HIVEP3: variants seen among roughly 807,000 people sequenced by gnomAD.
The protein encoded by HIVEP3 is HIVEP zinc finger 3.
A neutral mutation model predicts 152.8 loss-of-function variants in HIVEP3; 49 were observed. The observed-to-expected ratio is 0.32, with a 90% CI of 0.26 to 0.41. The LOEUF (loss-of-function observed/expected upper bound fraction) is 0.41, where lower values mean the gene tolerates loss of function less well. Among genes scored for constraint, HIVEP3 ranks in the 10% least tolerant of loss-of-function variants. The pLI is 1.00. For synonymous variants in HIVEP3, 1,269 were observed against 1,289.0 expected, an observed-to-expected ratio of 0.98 and a Z score of 0.33; for missense variants, 2,790 against 3,103.3, an observed-to-expected ratio of 0.90 and a Z score of 2.40.
At chr1:41,736,955 G>A (rs187042433) in intron 1 of HIVEP3, among the ~76,000 whole-genome samples, 1 of 152,112 alleles carries the variant, frequency 6.6e-6, no homozygotes, top group Admixed American at 6.5e-5. Flanking sequence ...GACTCTTCAG[G>A]CTCCAGCCAC....
At chr1:41,572,254 C>G (rs184991208) in intron 5 of HIVEP3, among the ~76,000 whole-genome samples, 16 of 152,282 alleles carry the variant, frequency 1.1e-4, no homozygotes, top group African/African-American at 3.6e-4. Flanking sequence ...GTAGCAATGT[C>G]GGCACAGAGA....
At chr1:41,726,403 C>T (rs1364033980) in intron 1 of HIVEP3, among the ~76,000 whole-genome samples, 1 of 152,160 alleles carries the variant, frequency 6.6e-6, no homozygotes, top group Non-Finnish European at 1.5e-5. Flanking sequence ...GGAAGTGAGG[C>T]CCTTTGAGAA....
chr1:41,544,303 C>A (rs1320275690), intron 5 of HIVEP3: 1 of 151,968 alleles, frequency 6.6e-6, no homozygotes, highest in Non-Finnish European at 1.5e-5. Flanking sequence ...TACTAGAAAC[C>A]AGTGAGGGGG....
chr1:42,024,245 CAT>C (rs1171979337), intron 1 of HIVEP3, among the ~76,000 whole-genome samples: 1 of 152,160 alleles, frequency 6.6e-6, no homozygotes, highest in African/African-American at 2.4e-5. Context: ...ACATTTCAAA[CAT>C]ATTTTCCTTG....
chr1:41,885,144 C>T (rs533247605), intron 1 of HIVEP3, among the ~76,000 whole-genome samples: 1 of 152,282 alleles, frequency 6.6e-6, no homozygotes, highest in Admixed American at 6.5e-5. Flanking sequence ...GGCACAATCT[C>T]CCTGAATCAT....
chr1:41,958,436 G>T (rs925651192), intron 1 of HIVEP3, among the ~76,000 whole-genome samples: 4 of 152,344 alleles, frequency 2.6e-5, no homozygotes, highest in Admixed American at 2.6e-4. Flanking sequence ...GGGCAGAGCT[G>T]TAAATCTTGA....
At chr1:41,586,024 G>T (rs575057298) in intron 3 of HIVEP3, among the ~76,000 whole-genome samples, 72 of 152,240 alleles carry the variant, frequency 4.7e-4, no homozygotes, top group Non-Finnish European at 8.1e-4. Flanking sequence ...CAGCCTGTGA[G>T]AACTTACAAT....
At chr1:41,721,160 A>G (rs1646667965) in intron 1 of HIVEP3, among the ~76,000 whole-genome samples, 1 of 152,172 alleles carries the variant, frequency 6.6e-6, no homozygotes, top group Non-Finnish European at 1.5e-5. Flanking sequence ...ATCTACTTAA[A>G]CATTGGTTGA....
chr1:41,657,958 G>T (rs1030248918), intron 2 of HIVEP3, among the ~76,000 whole-genome samples: 1 of 152,098 alleles, frequency 6.6e-6, no homozygotes, highest in African/African-American at 2.4e-5. Flanking sequence ...CTAGCACCAG[G>T]GCACTTCTCC....
intron 5 of HIVEP3, among the ~76,000 whole-genome samples, chr1:41,538,437 C>T (rs1387806162): frequency 1.3e-5 from 2 of 152,132 alleles, no homozygotes; most frequent in African/African-American, 2.4e-5. Context: ...GAGGCAAGCT[C>T]TTGTCATTTT....
chr1:41,851,414 T>G (rs1643597245), intron 1 of HIVEP3, among the ~76,000 whole-genome samples: 1 of 146,642 alleles, frequency 6.8e-6, no homozygotes. Flanking sequence ...GCAATTCTCC[T>G]GCCTCAGACT....
At chr1:41,824,618 T>C (rs1642703362) in intron 1 of HIVEP3, among the ~76,000 whole-genome samples, 1 of 151,754 alleles carries the variant, frequency 6.6e-6, no homozygotes, top group Non-Finnish European at 1.5e-5. Flanking sequence ...TATGTTTGTG[T>C]CTGATCTATA....
intron 1 of HIVEP3, among the ~76,000 whole-genome samples, chr1:41,900,905 T>C (rs1172213494): frequency 2.0e-5 from 3 of 152,070 alleles, no homozygotes; most frequent in African/African-American, 7.2e-5. Context: ...TTTTCAATTA[T>C]CTTTAGTTCA....
chr1:41,890,953 T>C (rs182976783), intron 1 of HIVEP3, among the ~76,000 whole-genome samples: 14 of 152,310 alleles, frequency 9.2e-5, no homozygotes, highest in African/African-American at 3.1e-4. Context: ...CCTGGGAGGC[T>C]GCCTCTCTAC....
intron 1 of HIVEP3, among the ~76,000 whole-genome samples, chr1:41,891,428 T>C (rs2124441390): frequency 6.6e-6 from 1 of 152,296 alleles, no homozygotes; most frequent in East Asian, 1.9e-4. Flanking sequence ...TTCCTGACAA[T>C]GAAGTGGTGG....
intron 1 of HIVEP3, among the ~76,000 whole-genome samples, chr1:41,734,996 C>T (rs1363064838): frequency 2.0e-5 from 3 of 152,184 alleles, no homozygotes. Flanking sequence ...TTCTTCAGTG[C>T]CAAGATAGTG....
At chr1:41,738,938 C>G (rs1646956986) in intron 1 of HIVEP3, among the ~76,000 whole-genome samples, 2 of 152,232 alleles carry the variant, frequency 1.3e-5, no homozygotes, top group Non-Finnish European at 2.9e-5. Flanking sequence ...GGTAATGAAC[C>G]ATGGCGCCAT....
chr1:41,822,539 A>T (rs1483879995), intron 1 of HIVEP3, among the ~76,000 whole-genome samples: 4 of 152,132 alleles, frequency 2.6e-5, no homozygotes, highest in Non-Finnish European at 5.9e-5. Context: ...TTTCACAGGG[A>T]TGAAGAAAGA....
rs1349621303 is a variant in HIVEP3 at position 41,583,149 on chromosome 1, A to G, written c.1649T>C (p.Ile550Thr). ...SHSMPSAACT[I>T]STPHHPFRGS... ...TCGGAAGGGGTGGTGGGGGGTGCTG[A>G]TAGTGCAGGCGGCAGAAGGCATTGA... Residue 550 changes from isoleucine (I) to threonine (T), a missense_variant, in exon 4 of 9, where the codon ATC becomes ACC. Physicochemically the swap from Ile to Thr is moderately conservative, Grantham distance 89 (BLOSUM62 -1). Coordinates refer to ENST00000372583, the MANE Select transcript of HIVEP3 (RefSeq NM_024503.5). The surrounding 1 kb of genome is among the most constrained non-coding windows in gnomAD (Gnocchi z 6.9). 1.2e-6 allele frequency: 2 copies of G among 1,612,456 alleles called. No homozygotes were observed. Among genetic ancestry groups the G allele is most frequent in the Non-Finnish European group, 1.7e-6 (2 of 1,179,742 alleles).
Sources: allele counts gnomAD v4.1 joint callset (sites outside exome capture counted in the v4.1 genomes callset), GRCh38; gene constraint gnomAD v4.1.1; non-coding constraint Gnocchi (gnomAD v3.1); transcripts MANE v1.5; gene names NCBI Gene and HGNC (gene_info 2026-07-23, HGNC 2026-07-21).